Variants in CALN1 observed in about 807,000 individuals in gnomAD.
CALN1 encodes the protein calcium-binding protein 8.
In CALN1, 17 loss-of-function variants were observed where a neutral mutation model predicts 30.6. That is an observed-to-expected ratio of 0.56 (90% CI 0.38 to 0.83). The LOEUF is 0.83. Among genes scored for constraint, CALN1 ranks in the 40% least tolerant of loss-of-function variants. The pLI, the probability that CALN1 is intolerant of heterozygous loss-of-function variation, is 0.00. For missense variants in CALN1, 291 were observed against 354.9 expected (o/e 0.82, Z 1.45); for synonymous variants, 156 against 131.4 (o/e 1.19, Z -1.28).
intron 5 of CALN1, among the ~76,000 whole-genome samples, chr7:71,892,125 A>T (rs1366036842): frequency 6.6e-6 from 1 of 152,214 alleles, no homozygotes; most frequent in African/African-American, 2.4e-5. Context: ...TGAAGTGCAC[A>T]GAACCTTGGC....
intron 3 of CALN1, among the ~76,000 whole-genome samples, chr7:72,112,048 GCT>G (rs1352109596): frequency 6.6e-6 from 1 of 152,100 alleles, no homozygotes; most frequent in African/African-American, 2.4e-5. Context: ...ACCGTGCCAG[GCT>G]CTCTTTTTTC....
rs571952864 is a variant in CALN1 at position 72,344,683 on chromosome 7, A to G, written c.119+58568T>C. On this transcript the variant is annotated intron_variant, in intron 2 of 6. Coordinates refer to ENST00000395275, the MANE Select transcript of CALN1 (RefSeq NM_031468.4). The stretch of plus-strand genomic sequence containing the variant: ...ATAAATATATATTTTATTTATGTAT[A>G]TAATTATTTACATTTTTATTTATAT... 3.0e-3 allele frequency among the ~76,000 whole-genome samples: 434 copies of G among 146,866 alleles called. 1 individual carries two copies. Among genetic ancestry groups the G allele is most frequent in the African/African-American group, 8.8e-3 (360 of 40,734 alleles).
At chr7:72,104,193 C>G (rs1453800128) in intron 4 of CALN1, 1 of 153,350 alleles carries the variant, frequency 6.5e-6, no homozygotes, top group Non-Finnish European at 1.5e-5. Flanking sequence ...CCCCAGCTCA[C>G]CAGAAGAACA....
At chr7:72,010,487 C>T (rs935415905) in intron 5 of CALN1, among the ~76,000 whole-genome samples, 8 of 152,062 alleles carry the variant, frequency 5.3e-5, no homozygotes, top group Admixed American at 4.6e-4. Context: ...CATTTTCCAT[C>T]ATACTGGCAG....
At chr7:72,365,802 TA>T (rs1321254437) in intron 2 of CALN1, among the ~76,000 whole-genome samples, 1 of 152,190 alleles carries the variant, frequency 6.6e-6, no homozygotes, top group Non-Finnish European at 1.5e-5. Flanking sequence ...TATTCTACCA[TA>T]TTGGCAAAGC....
At chr7:72,262,913 C>T (rs373353532) in intron 3 of CALN1, among the ~76,000 whole-genome samples, 125 of 152,306 alleles carry the variant, frequency 8.2e-4, no homozygotes, top group African/African-American at 2.9e-3. Flanking sequence ...TATCCTTATG[C>T]GCTTAGAGCT....
intron 2 of CALN1, among the ~76,000 whole-genome samples, chr7:72,373,105 A>C (rs1475016145): frequency 2.0e-5 from 3 of 152,170 alleles, no homozygotes; most frequent in African/African-American, 7.2e-5. Flanking sequence ...AAATACAATA[A>C]CCAAAATTTA....
In CALN1 at chr7:72,129,390, AAC is replaced by A. The variant is rs543331042; in HGVS notation, c.245-23098_245-23097del. 9.8e-5 allele frequency among the ~76,000 whole-genome samples: 15 copies of A among 152,304 alleles called. No individual in the cohort carries two copies. The East Asian group carries it at 2.9e-3, about 29-fold the overall frequency. ...TAGAAATGTATTATTCAAGCATACA[AAC>A]ACATAGAATAATATATGAACCAGGC... On this transcript the variant is annotated intron_variant, in intron 3 of 6. Coordinates refer to ENST00000395275, the MANE Select transcript of CALN1 (RefSeq NM_031468.4).
chr7:72,338,069 G>A (rs1220763440), intron 2 of CALN1, among the ~76,000 whole-genome samples: 1 of 152,154 alleles, frequency 6.6e-6, no homozygotes, highest in Non-Finnish European at 1.5e-5. Flanking sequence ...TGCAACCAAG[G>A]TTTGTCTTGG....
At chr7:72,164,279 A>T (rs1445302018) in intron 3 of CALN1, among the ~76,000 whole-genome samples, 2 of 151,660 alleles carry the variant, frequency 1.3e-5, no homozygotes, top group Non-Finnish European at 2.9e-5. Context: ...GAAGCAGCAG[A>T]ATCACTTGAA....
chr7:72,390,869 C>T (rs1172877159), intron 2 of CALN1, among the ~76,000 whole-genome samples: 3 of 152,136 alleles, frequency 2.0e-5, no homozygotes, highest in Non-Finnish European at 4.4e-5. Flanking sequence ...ATACATTTCC[C>T]TTTGTTGTTA....
chr7:71,790,883 T>C (rs1157355719), intron 6 of CALN1, among the ~76,000 whole-genome samples: 1 of 152,090 alleles, frequency 6.6e-6, no homozygotes, highest in Admixed American at 6.6e-5. Context: ...GTGTGTGTTG[T>C]TGGGGACATG....
chr7:72,024,752 C>T (rs1800942766), intron 4 of CALN1, among the ~76,000 whole-genome samples: 1 of 150,506 alleles, frequency 6.6e-6, no homozygotes, highest in African/African-American at 2.5e-5. Context: ...AGTGTTCAAG[C>T]CTCACTATCT....
intron 2 of CALN1, among the ~76,000 whole-genome samples, chr7:72,385,681 G>C (rs1805169424): frequency 6.6e-6 from 1 of 152,204 alleles, no homozygotes; most frequent in South Asian, 2.1e-4. Flanking sequence ...GGTGATGACT[G>C]GATCATGGGG....
At chr7:71,988,832 C>A (rs1798810305) in intron 5 of CALN1, among the ~76,000 whole-genome samples, 1 of 152,064 alleles carries the variant, frequency 6.6e-6, no homozygotes, top group South Asian at 2.1e-4. Context: ...ACAGTGTGTC[C>A]AGCATCTCAG....
In CALN1 at chr7:72,195,955, A is replaced by T. The variant is rs1231035596; in HGVS notation, c.244+82731T>A. On this transcript the variant is annotated intron_variant, in intron 3 of 6. Coordinates refer to ENST00000395275, the MANE Select transcript of CALN1 (RefSeq NM_031468.4). ...TACAACATGAAGGAAACTTGAAAAC[A>T]TTACACTCAATGAAAGAATATTTGA... 4.6e-5 allele frequency among the ~76,000 whole-genome samples: 7 copies of T among 152,356 alleles called. No homozygotes were observed. In the East Asian group the frequency reaches 1.3e-3, roughly 29 times the overall value.
chr7:71,789,217 G>T (rs1793170682), intron 6 of CALN1, among the ~76,000 whole-genome samples: 1 of 151,956 alleles, frequency 6.6e-6, no homozygotes, highest in Non-Finnish European at 1.5e-5. Flanking sequence ...AGGAGTTTGA[G>T]ACCAGCCTGG....
At chr7:72,282,701 T>C (rs376363549) in intron 2 of CALN1, among the ~76,000 whole-genome samples, 7 of 152,204 alleles carry the variant, frequency 4.6e-5, no homozygotes, top group Admixed American at 6.5e-5. Context: ...CTGTTGTTTA[T>C]AAATTAGCTA....
chr7:72,480,738 C>A, the CALN1 span, among the ~76,000 whole-genome samples: 30 of 152,038 alleles, frequency 2.0e-4, no homozygotes, highest in African/African-American at 7.0e-4. Flanking sequence ...TTATTGATTT[C>A]TCTTTAAGTG....
Sources: allele counts gnomAD v4.1 joint callset (sites outside exome capture counted in the v4.1 genomes callset), GRCh38; gene constraint gnomAD v4.1.1; transcripts MANE v1.5; gene names NCBI Gene and HGNC (gene_info 2026-07-23, HGNC 2026-07-21).